CDC42BPA: variants seen among roughly 807,000 people sequenced by gnomAD.
The protein encoded by CDC42BPA is serine/threonine-protein kinase MRCK alpha.
In CDC42BPA, 80 loss-of-function variants were observed where a neutral mutation model predicts 223.5. The observed-to-expected ratio is 0.36, with a 90% CI of 0.30 to 0.43. The LOEUF is 0.43. CDC42BPA is among the 20% of genes least tolerant of loss of function. The pLI is 1.00. For synonymous variants in CDC42BPA, 694 were observed against 718.6 expected (o/e 0.97, Z 0.55); for missense variants, 1,743 against 2,099.9 (o/e 0.83, Z 3.32).
At chr1:227,239,714 A>G (rs924872781) in intron 2 of CDC42BPA, among the ~76,000 whole-genome samples, 11 of 152,160 alleles carry the variant, frequency 7.2e-5, no homozygotes, top group African/African-American at 2.7e-4. Context: ...CAATAACTAT[A>G]TTTTTTAAAT....
At chr1:227,277,411 C>T (rs1687286640) in intron 1 of CDC42BPA, among the ~76,000 whole-genome samples, 1 of 152,108 alleles carries the variant, frequency 6.6e-6, no homozygotes, top group Non-Finnish European at 1.5e-5. Flanking sequence ...TTTATGAGGA[C>T]AGCATAATGT....
intron 5 of CDC42BPA, among the ~76,000 whole-genome samples, chr1:227,182,453 C>T (rs1668100455): frequency 6.6e-6 from 1 of 152,184 alleles, no homozygotes; most frequent in South Asian, 2.1e-4. Flanking sequence ...GTCATAGAGG[C>T]CCTTCCTTTT....
intron 17 of CDC42BPA, among the ~76,000 whole-genome samples, chr1:227,077,520 A>G (rs1197030716): frequency 6.6e-6 from 1 of 152,162 alleles, no homozygotes. Flanking sequence ...TGTTTCATCT[A>G]GCTTTTATAA....
chr1:227,194,593 A>C (rs996775375), intron 4 of CDC42BPA, among the ~76,000 whole-genome samples: 10 of 152,228 alleles, frequency 6.6e-5, no homozygotes, highest in African/African-American at 2.4e-4. Flanking sequence ...TGGTGTAAAG[A>C]AACGATGAGA....
intron 2 of CDC42BPA, among the ~76,000 whole-genome samples, chr1:227,247,371 T>C (rs538423449): frequency 6.6e-6 from 1 of 151,738 alleles, no homozygotes; most frequent in East Asian, 2.0e-4. Flanking sequence ...GGTGCACGCC[T>C]GTAATCCCAG....
At chr1:227,165,358 G>C (rs1238086608) in intron 5 of CDC42BPA, among the ~76,000 whole-genome samples, 1 of 152,198 alleles carries the variant, frequency 6.6e-6, no homozygotes, top group Non-Finnish European at 1.5e-5. Context: ...ACAAGGTTGG[G>C]AGAAAGGAAC....
intron 15 of CDC42BPA, among the ~76,000 whole-genome samples, chr1:227,094,410 C>A (rs1432554537): frequency 6.6e-6 from 1 of 152,170 alleles, no homozygotes; most frequent in Non-Finnish European, 1.5e-5. Flanking sequence ...AATAGCCAGT[C>A]ACTAATCAAT....
intron 14 of CDC42BPA, among the ~76,000 whole-genome samples, chr1:227,109,289 G>A (rs1686487138): frequency 6.6e-6 from 1 of 152,014 alleles, no homozygotes; most frequent in Non-Finnish European, 1.5e-5. Context: ...ACCTTTATAA[G>A]CTATTTACTA....
chr1:227,016,062 A>T lies in CDC42BPA; in HGVS notation c.4857+18T>A. The T allele has an allele frequency of 7.3e-7, 1 of 1,367,164 alleles. No homozygotes were observed. Among genetic ancestry groups the T allele is most frequent in the South Asian group, 1.2e-5 (1 of 84,978 alleles). The allele number at this position is 1,367,164 out of a possible 1,614,324, so 84.7% of individuals were successfully genotyped here. A position where few individuals can be genotyped will look rare whatever the true frequency, so the allele number is the denominator to read the frequency against. ...CCCACACCCGCCCTTTTTTACACTCACTCTTAATTCCTCTTACCATGGGCA... is the reference window on the plus strand; with the variant it reads ...CCCACACCCGCCCTTTTTTACACTCTCTCTTAATTCCTCTTACCATGGGCA... On this transcript the variant is annotated intron_variant, in intron 34 of 36. Transcript: ENST00000366766.
At chr1:227,037,244 T>A (rs1436538133) in intron 24 of CDC42BPA, among the ~76,000 whole-genome samples, 1 of 152,212 alleles carries the variant, frequency 6.6e-6, no homozygotes, top group African/African-American at 2.4e-5. Context: ...ACCTTCCTAG[T>A]CAACAATACA....
chr1:227,074,262 T>G lies in CDC42BPA; in HGVS notation c.2583A>C (p.Ala861=), dbSNP rs769382673. ...ATGCAAAATCATAGAAGCTTACTGT[T>G]GCTCGTGTACCCAAGCTGGAATTTC... ...ALRNSSLGTR[A]TDMPWKMRRF... is the part of the protein sequence containing the mutation. Residue 861 remains alanine (A), a synonymous_variant, in exon 18 of 37, where the codon GCA becomes GCC. Transcript: ENST00000366766. The G allele has an allele frequency of 6.2e-7, 1 of 1,609,920 alleles. No individual in the cohort carries two copies. The highest frequency in any genetic ancestry group is 1.3e-5 in the African/African-American group (1 of 74,790).
intron 1 of CDC42BPA, among the ~76,000 whole-genome samples, chr1:227,295,069 T>C (rs1187900743): frequency 6.6e-6 from 1 of 152,028 alleles, no homozygotes; most frequent in Non-Finnish European, 1.5e-5. Flanking sequence ...TTCTGCTTTT[T>C]AAAAAAATGT....
At chr1:227,029,964 A>G (rs2150872) in intron 29 of CDC42BPA, among the ~76,000 whole-genome samples, 68,529 of 151,904 alleles carry the variant, frequency 0.45, 15,579 homozygotes, top group African/African-American at 0.46. Flanking sequence ...GAGAAACCTC[A>G]TCTCTACTAA....
intron 2 of CDC42BPA, among the ~76,000 whole-genome samples, chr1:227,222,793 G>A (rs1332208072): frequency 6.6e-6 from 1 of 152,174 alleles, no homozygotes; most frequent in Non-Finnish European, 1.5e-5. Context: ...TCATCATACA[G>A]GTTCCCGCGG....
chr1:227,160,421 T>C (rs984881732), intron 6 of CDC42BPA, 122 bp downstream of exon 6: 7 of 726,900 alleles, frequency 9.6e-6, no homozygotes, highest in African/African-American at 3.5e-5. Flanking sequence ...AGGTGGCGCA[T>C]AGATAGACAA....
At chr1:227,135,453 T>C (rs7517646) in intron 10 of CDC42BPA, among the ~76,000 whole-genome samples, 108,876 of 151,944 alleles carry the variant, frequency 0.72, 39,218 homozygotes, top group South Asian at 0.86. Context: ...AAGAACAGAA[T>C]AAATCTCCCA....
intron 32 of CDC42BPA, among the ~76,000 whole-genome samples, chr1:227,019,705 T>C (rs1374299870): frequency 6.6e-6 from 1 of 152,074 alleles, no homozygotes; most frequent in Non-Finnish European, 1.5e-5. Flanking sequence ...TCCTTGTACA[T>C]CTCCATCAGA....
At chr1:227,108,826 GA>G (rs1455899677) in intron 14 of CDC42BPA, among the ~76,000 whole-genome samples, 32 of 152,074 alleles carry the variant, frequency 2.1e-4, no homozygotes, top group Non-Finnish European at 1.5e-5. Context: ...GTCCTTGTGT[GA>G]ACATAAGTTG....
chr1:227,293,211 C>G (rs1690001939), intron 1 of CDC42BPA, among the ~76,000 whole-genome samples: 1 of 152,092 alleles, frequency 6.6e-6, no homozygotes, highest in Admixed American at 6.5e-5. Context: ...CAGACACAGT[C>G]CCTGCTCTAG....
Sources: gnomAD v4.1 joint callset for allele counts (sites outside exome capture counted in the v4.1 genomes callset) on GRCh38, gnomAD v4.1.1 for gene constraint, MANE v1.5 for transcripts, NCBI Gene and HGNC (gene_info 2026-07-23, HGNC 2026-07-21) for gene names.